DDX10: variants seen among roughly 807,000 people sequenced by gnomAD.
The protein encoded by DDX10 is probable ATP-dependent RNA helicase DDX10.
In DDX10, 74 loss-of-function variants were observed where a neutral mutation model predicts 104.3. The observed-to-expected ratio is 0.71, with a 90% confidence interval of 0.59 to 0.86. The LOEUF (loss-of-function observed/expected upper bound fraction) is 0.86, where lower values mean the gene tolerates loss of function less well. DDX10 is among the 40% of genes least tolerant of loss of function. The probability of loss-of-function intolerance (pLI) is 0.00; values close to 1 mark genes in which losing one functional copy is unlikely to be tolerated. For synonymous variants in DDX10, 351 were observed against 353.4 expected (o/e 0.99, Z 0.08); for missense variants, 952 against 1,040.0 (o/e 0.92, Z 1.16).
intron 13 of DDX10, among the ~76,000 whole-genome samples, chr11:108,782,800 A>G (rs1329761774): frequency 6.6e-6 from 1 of 152,142 alleles, no homozygotes; most frequent in Non-Finnish European, 1.5e-5. Flanking sequence ...TATACATAGA[A>G]TCCAATAAGA....
intron 13 of DDX10, among the ~76,000 whole-genome samples, chr11:108,761,853 C>T (rs957502014): frequency 6.6e-5 from 10 of 152,064 alleles, no homozygotes; most frequent in Middle Eastern, 3.4e-3. Flanking sequence ...GAAGACCATA[C>T]GTTACTGCCA....
chr11:108,804,507 A>AAC (rs1862069939), intron 13 of DDX10, among the ~76,000 whole-genome samples: 1 of 151,354 alleles, frequency 6.6e-6, no homozygotes, highest in Non-Finnish European at 1.5e-5. Flanking sequence ...TCAAAAAAAA[A>AAC]AAAAAAAAAA....
chr11:108,822,659 C>A, intron 13 of DDX10: 1 of 156,990 alleles, frequency 6.4e-6, no homozygotes, highest in South Asian at 1.8e-4. Flanking sequence ...ATATTTAATT[C>A]TCTTCCATCA....
chr11:108,790,336 A>T (rs1207324992), intron 13 of DDX10, among the ~76,000 whole-genome samples: 1 of 152,214 alleles, frequency 6.6e-6, no homozygotes, highest in East Asian at 1.9e-4. Context: ...TGAACTACAA[A>T]GAGAATATTT....
At chr11:108,714,544 T>A (rs1037850577) in intron 10 of DDX10, among the ~76,000 whole-genome samples, 4 of 126,610 alleles carry the variant, frequency 3.2e-5, no homozygotes, top group African/African-American at 1.2e-4. Context: ...TTTTTTTTTT[T>A]AAAGTCTTAA....
At chr11:108,882,965 G>A (rs1486648430) in intron 16 of DDX10, among the ~76,000 whole-genome samples, 4 of 152,034 alleles carry the variant, frequency 2.6e-5, no homozygotes, top group East Asian at 3.9e-4. Flanking sequence ...TTGTCCATTC[G>A]TTCCTCTTTT....
chr11:108,878,571 G>A (rs558756916), intron 16 of DDX10, among the ~76,000 whole-genome samples: 4 of 152,028 alleles, frequency 2.6e-5, no homozygotes, highest in African/African-American at 4.8e-5. Flanking sequence ...CCTTGTTTTT[G>A]CCACAATAAC....
At chr11:108,915,456 T>TG (rs1491269213) in intron 16 of DDX10, among the ~76,000 whole-genome samples, 57 of 141,576 alleles carry the variant, frequency 4.0e-4, no homozygotes, top group Non-Finnish European at 7.0e-4. Context: ...GGTTTTTTTT[T>TG]TTTTGTTTGT....
intron 13 of DDX10, among the ~76,000 whole-genome samples, chr11:108,829,379 T>TTGGC (rs1862439522): frequency 6.6e-6 from 1 of 152,250 alleles, no homozygotes; most frequent in Admixed American, 6.5e-5. Flanking sequence ...CACATGCTTA[T>TTGGC]TGGCCATTTG....
intron 6 of DDX10, 70 bp from the exon 7 acceptor site, chr11:108,688,866 C>T (rs1206744036): frequency 1.3e-6 from 2 of 1,530,492 alleles, no homozygotes; most frequent in East Asian, 4.6e-5. Context: ...AACTTGTTTC[C>T]TTTTTTGGTC....
At chr11:108,711,670 G>A (rs1368925778) in intron 10 of DDX10, among the ~76,000 whole-genome samples, 3 of 152,210 alleles carry the variant, frequency 2.0e-5, no homozygotes, top group African/African-American at 4.8e-5. Context: ...TGGTCTGAAA[G>A]CAGATATTGT....
At chr11:108,881,390 G>A (rs951296116) in intron 16 of DDX10, among the ~76,000 whole-genome samples, 2 of 152,124 alleles carry the variant, frequency 1.3e-5, no homozygotes, top group Non-Finnish European at 2.9e-5. Flanking sequence ...AAGCAATCTG[G>A]GAAAATAAGC....
chr11:108,696,568 AGTAAATGTGTAGTTGT>A (rs1446230829), intron 9 of DDX10, among the ~76,000 whole-genome samples: 14 of 152,140 alleles, frequency 9.2e-5, no homozygotes, highest in Admixed American at 9.2e-4. Flanking sequence ...TATTCTCCTC[AGTAAATGTGTAGTTGT>A]GTAAATTTTT....
At chr11:108,842,031 A>G (rs1247531528) in intron 15 of DDX10, among the ~76,000 whole-genome samples, 1 of 152,184 alleles carries the variant, frequency 6.6e-6, no homozygotes, top group East Asian at 1.9e-4. Flanking sequence ...TCCAGATTCA[A>G]CTTAATAAAT....
chr11:108,844,647 G>T (rs765065222), intron 15 of DDX10, among the ~76,000 whole-genome samples: 6 of 152,158 alleles, frequency 3.9e-5, no homozygotes, highest in Non-Finnish European at 8.8e-5. Context: ...GAATTAGTAG[G>T]TTGGTGAAAA....
Position 108,841,355 on chromosome 11 carries a change from A to C in DDX10, c.2126A>C (p.Lys709Thr), listed in dbSNP as rs1336203233. Reference protein sequence around the residue: ...QWPQMQKSAIKDAEEDDDTGG... With the variant: ...QWPQMQKSAITDAEEDDDTGG... ...CCACAAATGCAGAAATCTGCCATCA[A>C]GGATGCTGAGGAAGATGATGACACA... The change falls in exon 15 of 18, where the codon AAG becomes ACG. Residue 709 changes from lysine to threonine, a missense_variant. Physicochemically the swap from Lys to Thr is moderately conservative, Grantham distance 78. Coordinates refer to ENST00000322536, the MANE Select transcript of DDX10 (RefSeq NM_004398.4). 6.2e-7 allele frequency: 1 copy of C among 1,613,612 alleles called. No homozygotes were observed. Among genetic ancestry groups the C allele is most frequent in the East Asian group, 2.2e-5 (1 of 44,882 alleles).
intron 13 of DDX10, among the ~76,000 whole-genome samples, chr11:108,741,216 A>G (rs1325630708): frequency 6.7e-6 from 1 of 150,264 alleles, no homozygotes; most frequent in Non-Finnish European, 1.5e-5. Context: ...GCCTTGTAGT[A>G]TAGTTTGATG....
At chr11:108,840,928 C>T (rs1453173249) in intron 14 of DDX10, among the ~76,000 whole-genome samples, 1 of 152,156 alleles carries the variant, frequency 6.6e-6, no homozygotes, top group Non-Finnish European at 1.5e-5. Flanking sequence ...ACCATGGAAG[C>T]CCAAAGGAGG....
At chr11:108,672,457 A>G (rs1310847662) in intron 1 of DDX10, among the ~76,000 whole-genome samples, 1 of 152,208 alleles carries the variant, frequency 6.6e-6, no homozygotes. Context: ...ATGCTGGTAC[A>G]CTGATTCTGC....
Sources: gnomAD v4.1 joint callset for allele counts (sites outside exome capture counted in the v4.1 genomes callset) on GRCh38, gnomAD v4.1.1 for gene constraint, MANE v1.5 for transcripts, NCBI Gene and HGNC (gene_info 2026-07-23, HGNC 2026-07-21) for gene names.